ADAP1: variants seen among roughly 807,000 people sequenced by gnomAD.
ADAP1 encodes the protein arf-GAP with dual PH domain-containing protein 1.
Under a neutral mutation model 54.9 loss-of-function variants are expected in ADAP1, and 31 were observed. The observed-to-expected ratio is 0.56, with a 90% CI of 0.42 to 0.76. The LOEUF (loss-of-function observed/expected upper bound fraction) is 0.76. ADAP1 is among the 30% of genes least tolerant of loss of function. ADAP1 has a pLI of 0.00. For missense variants in ADAP1, 535 were observed against 512.4 expected (o/e 1.04, Z -0.42); for synonymous variants, 313 against 202.6 (o/e 1.55, Z -4.63).
chr7:914,494 C>G (rs748087534), intron 4 of ADAP1, among the ~76,000 whole-genome samples: 3 of 152,186 alleles, frequency 2.0e-5, no homozygotes, highest in Non-Finnish European at 4.4e-5. Flanking sequence ...GCTCTGCCCA[C>G]GGGGCCGCCC....
At chr7:914,031 G>A (rs957157125) in intron 4 of ADAP1, among the ~76,000 whole-genome samples, 2 of 152,238 alleles carry the variant, frequency 1.3e-5, no homozygotes, top group African/African-American at 4.8e-5. Context: ...CTCAGCCATG[G>A]TCCTGGGTGG....
chr7:910,113 A>G (rs1845661699), intron 4 of ADAP1, among the ~76,000 whole-genome samples: 1 of 152,030 alleles, frequency 6.6e-6, no homozygotes, highest in Non-Finnish European at 1.5e-5. Flanking sequence ...CGGCCCTTCC[A>G]CGCTGCCCGT....
In ADAP1 at chr7:926,839, C is replaced by G; in HGVS notation, c.214-195G>C. ...CTGAGTGATCGACCCTCCCCTGGGA[C>G]AGGGAAGGAGCCAGCGTCCCTAACG... On this transcript the variant is annotated intron_variant, in intron 2 of 10. Transcript: ENST00000265846. This position sits in a 1 kb window ranked among gnomAD's most constrained non-coding sequence, Gnocchi z 4.6. 1.3e-6 allele frequency: 1 copy of G among 772,698 alleles called. No homozygotes were observed. Among genetic ancestry groups the G allele is most frequent in the Non-Finnish European group, 2.0e-6 (1 of 511,658 alleles). The allele number at this position is 772,698 out of a possible 1,614,324, so 47.9% of individuals were successfully genotyped here.
intron 5 of ADAP1, among the ~76,000 whole-genome samples, 167 bp from the exon 6 acceptor site, chr7:904,439 G>C (rs561798047): frequency 6.6e-6 from 1 of 152,298 alleles, no homozygotes; most frequent in South Asian, 2.1e-4. Flanking sequence ...TAAGCAGAAG[G>C]TAACAGCACC....
chr7:942,200 A>C (rs1348330309), intron 1 of ADAP1, among the ~76,000 whole-genome samples: 1 of 152,234 alleles, frequency 6.6e-6, no homozygotes, highest in Non-Finnish European at 1.5e-5. Flanking sequence ...AAAAGAAAAC[A>C]GGAGAAAAGT....
In ADAP1 at chr7:926,670, G is replaced by C; in HGVS notation, c.214-26C>G. 1 of 1,522,606 alleles carries C rather than the reference G, an allele frequency of 6.6e-7. No individual in the cohort carries two copies. Among genetic ancestry groups the C allele is most frequent in the Non-Finnish European group, 8.8e-7 (1 of 1,133,524 alleles). The allele number at this position is 1,522,606 out of a possible 1,614,324, so 94.3% of individuals were successfully genotyped here. On this transcript the variant is annotated intron_variant, in intron 2 of 10. Transcript: ENST00000265846. This position sits in a 1 kb window ranked among gnomAD's most constrained non-coding sequence, Gnocchi z 4.6. Reference sequence around the variant, plus strand: ...CTGCAAGAGAGGAGGGGCCGGGTCAGAGGCCTGGGGTCCCAGGGGCAGCCT... The same window carrying C: ...CTGCAAGAGAGGAGGGGCCGGGTCACAGGCCTGGGGTCCCAGGGGCAGCCT...
rs1423190116 is a variant in ADAP1, at chr7:920,083, C to A, written c.306-33G>T. 3 of 1,593,860 alleles carry A rather than the reference C, an allele frequency of 1.9e-6. No homozygotes were observed. Among genetic ancestry groups the A allele is most frequent in the African/African-American group, 1.3e-5 (1 of 74,608 alleles). On this transcript the variant is annotated intron_variant, in intron 3 of 10. Coordinates refer to ENST00000265846, the MANE Select transcript of ADAP1 (RefSeq NM_006869.4). This position sits in a 1 kb window ranked among gnomAD's most constrained non-coding sequence, Gnocchi z 4.5. ...GAGAGGAGAGACTGAGCCACTGGGC[C>A]AAGGCGGCCTCCGACCCAGCACACG...
chr7:906,492 GAAAGGAGAAAGGGA>G (rs1845352632), intron 4 of ADAP1, among the ~76,000 whole-genome samples: 2 of 6,640 alleles, frequency 3.0e-4, no homozygotes, highest in African/African-American at 1.8e-3. Flanking sequence ...AGGAGAAAGG[GAAAGGAGAAAGGGA>G]GAAAGGAGAA....
intron 4 of ADAP1, among the ~76,000 whole-genome samples, chr7:911,104 C>T (rs571878695): frequency 8.7e-4 from 133 of 152,304 alleles, no homozygotes; most frequent in African/African-American, 2.5e-3. Flanking sequence ...ACCAGCGGGC[C>T]GTATCCTGCG....
In ADAP1 at chr7:898,254, G is replaced by C. The variant is rs1053125263; in HGVS notation, c.*667C>G. 6.4e-6 allele frequency: 1 copy of C among 155,184 alleles called. No homozygotes were observed. The highest frequency in any genetic ancestry group is 1.4e-5 in the Non-Finnish European group (1 of 69,922). The allele number at this position is 155,184 out of a possible 1,614,324, so 9.6% of individuals were successfully genotyped here. On this transcript the variant is annotated 3_prime_UTR_variant, in exon 11 of 11. Coordinates refer to ENST00000265846, the MANE Select transcript of ADAP1 (RefSeq NM_006869.4). ...CGCGGCCCAGGCCCTCGTCCCCAAG[G>C]GTTCAGACACCACTGTCGGCGAGCA...
intron 2 of ADAP1, 151 bp downstream of exon 2, chr7:935,224 G>T (rs962622369): frequency 5.5e-6 from 6 of 1,096,364 alleles, no homozygotes; most frequent in Admixed American, 2.0e-5. Context: ...CTGGAGAGGG[G>T]GCGGGGTCCT....
Position 899,018 on chromosome 7 carries a change from G to C in ADAP1, c.1096+15C>G, listed in dbSNP as rs200952842. On this transcript the variant is annotated intron_variant, in intron 10 of 10. Transcript: ENST00000265846. Reference sequence around the variant, plus strand: ...TGGGAGCCCTTCCAGGCCGCCGGCCGCCCGCCCCCCTCACCTGCGTACTCC... The same window carrying C: ...TGGGAGCCCTTCCAGGCCGCCGGCCCCCCGCCCCCCTCACCTGCGTACTCC... 67 of 1,609,272 alleles carry C rather than the reference G, an allele frequency of 4.2e-5. 2 individuals carry two copies. In the Middle Eastern group the frequency reaches 3.5e-3, roughly 83 times the overall value.
rs1305689304 is a variant in ADAP1, at chr7:938,563, T to A, written c.83-3058A>T. On this transcript the variant is annotated intron_variant, in intron 1 of 10. Transcript: ENST00000265846. This position sits in a 1 kb window ranked among gnomAD's most constrained non-coding sequence, Gnocchi z 4.4. ...AAGTCCCAGAAGAGAGAGACCTGAC[T>A]CCCCCCGGGCTCCGTCTTCTCCCGA... Among the ~76,000 whole-genome samples the A allele has an allele frequency of 6.6e-6, 1 of 151,940 alleles. No individual in the cohort carries two copies. The highest frequency in any genetic ancestry group is 1.5e-5 in the Non-Finnish European group (1 of 67,988).
intron 1 of ADAP1, among the ~76,000 whole-genome samples, chr7:947,218 T>G (rs1195511311): frequency 2.1e-5 from 3 of 144,356 alleles, no homozygotes; most frequent in Non-Finnish European, 4.6e-5. Context: ...TTTTTGGTTT[T>G]TTTTTTTTTT....
chr7:916,641 G>A lies in ADAP1; in HGVS notation c.388+3327C>T, dbSNP rs952280834. 2.2e-4 allele frequency among the ~76,000 whole-genome samples: 33 copies of A among 152,292 alleles called. 1 individual carries two copies. Among genetic ancestry groups the A allele is most frequent in the South Asian group, 1.7e-3 (8 of 4,830 alleles). ...GTGCCCGCGTGTTCATCCCCTGACC[G>A]TTTCTTGCTCTCTCCCTCACACACA... On this transcript the variant is annotated intron_variant, in intron 4 of 10. Coordinates refer to ENST00000265846, the MANE Select transcript of ADAP1 (RefSeq NM_006869.4).
intron 1 of ADAP1, among the ~76,000 whole-genome samples, chr7:941,028 C>G (rs1320603098): frequency 1.3e-5 from 2 of 151,764 alleles, no homozygotes; most frequent in African/African-American, 4.8e-5. Context: ...CCTGATAAAA[C>G]TCTCAGAAAA....
intron 4 of ADAP1, among the ~76,000 whole-genome samples, chr7:905,768 A>G (rs866003273): frequency 0.017 from 130 of 7,726 alleles, 1 homozygote; most frequent in South Asian, 0.029. Flanking sequence ...GAAGGGAGAA[A>G]GGAGAAAGGA....
At chr7:939,488 G>A (rs1007198281) in intron 1 of ADAP1, among the ~76,000 whole-genome samples, 3 of 151,442 alleles carry the variant, frequency 2.0e-5, no homozygotes, top group African/African-American at 7.3e-5. Flanking sequence ...AAAGTGCTGG[G>A]ATTACAGGCG....
chr7:935,385 G>A lies in ADAP1; in HGVS notation c.203C>T (p.Ala68Val). 6.4e-7 allele frequency: 1 copy of A among 1,559,924 alleles called. No individual in the cohort carries two copies. Among genetic ancestry groups the A allele is most frequent in the African/African-American group, 1.4e-5 (1 of 73,500 alleles). The change falls in exon 2 of 11, where the codon GCC (alanine) becomes GTC (valine). Residue 68 changes from alanine (A) to valine (V), a missense_variant. Ala to Val is a moderately conservative substitution (Grantham distance 64). Transcript: ENST00000265846. ...CCTCCCCCTCCGTACCTCCACTTGGGCCTCCTCCCAGGCGTCCAGGCGGAC... is the reference window on the plus strand; with the variant it reads ...CCTCCCCCTCCGTACCTCCACTTGGACCTCCTCCCAGGCGTCCAGGCGGAC... ...KSVRLDAWEE[A>V]QVEFMASHGN...
Sources: allele counts gnomAD v4.1 joint callset (sites outside exome capture counted in the v4.1 genomes callset), GRCh38; gene constraint gnomAD v4.1.1; non-coding constraint Gnocchi (gnomAD v3.1); transcripts MANE v1.5; gene names NCBI Gene and HGNC (gene_info 2026-07-23, HGNC 2026-07-21).